The following CAMKMT variants were observed in gnomAD, a reference collection of about 807,000 sequenced individuals.
CAMKMT encodes CaM KMT.
Under a neutral mutation model 48.0 loss-of-function variants are expected in CAMKMT, and 53 were observed. The observed-to-expected ratio is 1.10, with a 90% CI of 0.89 to 1.39. The LOEUF (loss-of-function observed/expected upper bound fraction) is 1.39. CAMKMT is among the 40% of genes most tolerant of loss of function. The probability of loss-of-function intolerance (pLI) is 0.00; values close to 1 mark genes in which losing one functional copy is unlikely to be tolerated. For missense variants in CAMKMT, 428 were observed against 402.7 expected (o/e 1.06, Z -0.54); for synonymous variants, 165 against 152.3 (o/e 1.08, Z -0.61).
intron 4 of CAMKMT, among the ~76,000 whole-genome samples, chr2:44,704,900 AG>A (rs1677467876): frequency 6.6e-6 from 1 of 151,924 alleles, no homozygotes; most frequent in Admixed American, 6.6e-5. Context: ...TTCAACTGTT[AG>A]TGTGCATTAC....
Position 44,619,479 on chromosome 2 carries a change from A to AT in CAMKMT, c.377-84803dup, listed in dbSNP as rs1672062744. ...ATTATGTGTGTATATATATATATATATGCATCTGCAAACACATATGTGTGT... is the reference window on the plus strand; with the variant it reads ...ATTATGTGTGTATATATATATATATATTGCATCTGCAAACACATATGTGTGT... On this transcript the variant is annotated intron_variant, in intron 3 of 10. Transcript: ENST00000378494. 5.3e-5 allele frequency among the ~76,000 whole-genome samples: 8 copies of AT among 151,578 alleles called. No individual in the cohort carries two copies. In the South Asian group the frequency reaches 1.7e-3, roughly 32 times the overall value.
chr2:44,644,288 G>C (rs1028027024), intron 3 of CAMKMT, among the ~76,000 whole-genome samples: 32 of 152,222 alleles, frequency 2.1e-4, no homozygotes, highest in African/African-American at 7.5e-4. Flanking sequence ...CAAAAGAACT[G>C]TCCCATTTAA....
At chr2:44,550,580 C>T (rs976326331) in intron 3 of CAMKMT, 1 of 152,094 alleles carries the variant, frequency 6.6e-6, no homozygotes, top group African/African-American at 2.4e-5. Flanking sequence ...CTTAGGGAGA[C>T]ACTGAACCCA....
At chr2:44,402,927 T>G (rs1397814145) in intron 3 of CAMKMT, among the ~76,000 whole-genome samples, 1 of 151,654 alleles carries the variant, frequency 6.6e-6, no homozygotes, top group Non-Finnish European at 1.5e-5. Context: ...CTGAAAGTTT[T>G]TTTTTTTTTT....
chr2:44,413,865 T>A (rs540179029), intron 3 of CAMKMT, among the ~76,000 whole-genome samples: 1 of 152,360 alleles, frequency 6.6e-6, no homozygotes, highest in South Asian at 2.1e-4. Context: ...ATTTAATATC[T>A]GGTCATGAGT....
intron 3 of CAMKMT, among the ~76,000 whole-genome samples, chr2:44,398,862 A>G (rs567258354): frequency 6.6e-6 from 1 of 152,238 alleles, no homozygotes; most frequent in South Asian, 2.1e-4. Flanking sequence ...AGAACAAAAT[A>G]TTTGATGATT....
intron 3 of CAMKMT, among the ~76,000 whole-genome samples, chr2:44,478,762 A>G (rs1276957369): frequency 6.9e-6 from 1 of 144,526 alleles, no homozygotes; most frequent in Non-Finnish European, 1.5e-5. Flanking sequence ...GTGCAGTGGC[A>G]CGATCTCGGC....
intron 3 of CAMKMT, among the ~76,000 whole-genome samples, chr2:44,468,418 A>G (rs151310179): frequency 1.3e-5 from 2 of 152,348 alleles, no homozygotes; most frequent in Non-Finnish European, 2.9e-5. Context: ...AGATTAATAC[A>G]GCCATTATGG....
intron 3 of CAMKMT, among the ~76,000 whole-genome samples, chr2:44,652,210 T>G (rs956154461): frequency 6.6e-6 from 1 of 152,332 alleles, no homozygotes; most frequent in Non-Finnish European, 1.5e-5. Flanking sequence ...AGTTATGACT[T>G]AATAGTGTGG....
At chr2:44,495,676 G>A (rs2104725779) in intron 3 of CAMKMT, among the ~76,000 whole-genome samples, 1 of 152,264 alleles carries the variant, frequency 6.6e-6, no homozygotes, top group East Asian at 1.9e-4. Flanking sequence ...ACTGGTTGTT[G>A]GCAAGTTGCA....
chr2:44,434,583 C>T (rs958079557), intron 3 of CAMKMT, among the ~76,000 whole-genome samples: 2 of 152,124 alleles, frequency 1.3e-5, no homozygotes, highest in Non-Finnish European at 2.9e-5. Flanking sequence ...ATGTCCTTAG[C>T]AAAGAAGGTA....
chr2:44,631,010 A>G (rs1312582992), intron 3 of CAMKMT, among the ~76,000 whole-genome samples: 3 of 152,300 alleles, frequency 2.0e-5, no homozygotes, highest in South Asian at 2.1e-4. Context: ...ATGTCCAACA[A>G]TGATAGACTG....
intron 7 of CAMKMT, among the ~76,000 whole-genome samples, chr2:44,735,948 G>A (rs970473451): frequency 1.3e-5 from 2 of 151,192 alleles, no homozygotes; most frequent in African/African-American, 2.4e-5. Context: ...AAACCTTACA[G>A]TAGTATACTG....
intron 3 of CAMKMT, among the ~76,000 whole-genome samples, chr2:44,397,718 C>T (rs979604867): frequency 4.0e-5 from 6 of 151,656 alleles, no homozygotes; most frequent in Non-Finnish European, 7.4e-5. Flanking sequence ...TATCAATTAC[C>T]AAAGAAGGAA....
chr2:44,562,158 G>C (rs1384590860), intron 3 of CAMKMT, among the ~76,000 whole-genome samples: 1 of 152,162 alleles, frequency 6.6e-6, no homozygotes, highest in Non-Finnish European at 1.5e-5. Flanking sequence ...TGAGTAGAAA[G>C]TCCTCTAGTG....
intron 3 of CAMKMT, among the ~76,000 whole-genome samples, chr2:44,470,685 A>AAT (rs1471403802): frequency 6.6e-6 from 1 of 152,190 alleles, no homozygotes; most frequent in African/African-American, 2.4e-5. Flanking sequence ...AGTCATTGCT[A>AAT]ATATATATGC....
chr2:44,587,620 C>T (rs28712513), intron 3 of CAMKMT, among the ~76,000 whole-genome samples: 5 of 118,656 alleles, frequency 4.2e-5, no homozygotes, highest in African/African-American at 1.2e-4. Flanking sequence ...CGATTGCAGG[C>T]GCGCGCCGCC....
intron 3 of CAMKMT, among the ~76,000 whole-genome samples, chr2:44,591,504 C>A (rs923270327): frequency 6.6e-6 from 1 of 152,086 alleles, no homozygotes; most frequent in Non-Finnish European, 1.5e-5. Flanking sequence ...GTATTTTATT[C>A]TCTTTGAAGC....
At chr2:44,456,829 C>G in intron 3 of CAMKMT, 2 of 460,112 alleles carry the variant, frequency 4.3e-6, no homozygotes, top group Non-Finnish European at 3.8e-6. Context: ...CTTCTCCAGC[C>G]CAATTATGTT....
Sources: allele counts gnomAD v4.1 joint callset (sites outside exome capture counted in the v4.1 genomes callset), GRCh38; gene constraint gnomAD v4.1.1; transcripts MANE v1.5; gene names NCBI Gene and HGNC (gene_info 2026-07-23, HGNC 2026-07-21).